The following PTPN13 variants were observed in gnomAD, a reference collection of about 807,000 sequenced individuals.
PTPN13 encodes protein tyrosine phosphatase non-receptor type 13.
In PTPN13, 191 loss-of-function variants were observed where a neutral mutation model predicts 284.0. The observed-to-expected ratio is 0.67, with a 90% CI of 0.60 to 0.76. The LOEUF (loss-of-function observed/expected upper bound fraction) is 0.76. Ranked by LOEUF, PTPN13 falls within the 30% of genes least tolerant of loss-of-function variation. PTPN13 has a pLI of 0.00. For synonymous variants in PTPN13, 986 were observed against 1,022.3 expected, an observed-to-expected ratio of 0.96 and a Z score of 0.68; for missense variants, 2,797 against 2,939.9, an observed-to-expected ratio of 0.95 and a Z score of 1.12.
rs1048691056 is a variant in PTPN13 at position 86,596,475 on chromosome 4, A to T, written c.-6+1686A>T. The stretch of plus-strand genomic sequence containing the variant: ...TTTAATTCTATGATGGGGTCACGTT[A>T]TAAAACTTAGGTCATCTTTTTGTTG... On this transcript the variant is annotated intron_variant, in intron 1 of 47. Transcript: ENST00000411767. Among the ~76,000 whole-genome samples the T allele has an allele frequency of 4.6e-5, 7 of 152,346 alleles. No individual in the cohort carries two copies. The East Asian group carries it at 1.3e-3, about 29-fold the overall frequency.
At chr4:86,625,757 C>T (rs150748793) in intron 1 of PTPN13, among the ~76,000 whole-genome samples, 5 of 152,106 alleles carry the variant, frequency 3.3e-5, no homozygotes, top group African/African-American at 9.7e-5. Context: ...TAGGTCCTTG[C>T]GATATGCCCC....
At chr4:86,706,725 A>G (rs545775148) in intron 7 of PTPN13, among the ~76,000 whole-genome samples, 163 of 152,336 alleles carry the variant, frequency 1.1e-3, no homozygotes, top group Middle Eastern at 0.01. Context: ...GAAAAATTAT[A>G]AATAGAAGAT....
chr4:86,732,584 A>G lies in PTPN13; in HGVS notation c.1684-8A>G. On this transcript the variant is annotated splice_polypyrimidine_tract_variant and splice_region_variant and intron_variant, in intron 11 of 47. Coordinates refer to ENST00000411767, the MANE Select transcript of PTPN13 (RefSeq NM_080683.3). ...TTTAATAAATGCCGTTTATTTTTTC[A>G]ATTGTAGACTAAGAAAGGGAAGAAT... 1 of 1,605,458 alleles carries G rather than the reference A, an allele frequency of 6.2e-7. No individual in the cohort carries two copies. Among genetic ancestry groups the G allele is most frequent in the Non-Finnish European group, 8.5e-7 (1 of 1,175,560 alleles).
At chr4:86,694,579 C>CA (rs1000226646) in intron 6 of PTPN13, among the ~76,000 whole-genome samples, 2,192 of 31,520 alleles carry the variant, frequency 0.07, 163 homozygotes, top group African/African-American at 0.14. Context: ...ACTTCTGTCT[C>CA]AAAAAAAAAA....
In PTPN13 at chr4:86,766,424, AT is replaced by A; in HGVS notation, c.4244-3del. On this transcript the variant is annotated splice_polypyrimidine_tract_variant and splice_region_variant and intron_variant, in intron 26 of 47. Coordinates refer to ENST00000411767, the MANE Select transcript of PTPN13 (RefSeq NM_080683.3). ...TTTTATTTATGATTTGAACTGCCTAATTTTTAGGTGATCGCGTCCTAGCTGT... is the reference window on the plus strand; with the variant it reads ...TTTTATTTATGATTTGAACTGCCTAATTTTAGGTGATCGCGTCCTAGCTGT... The A allele has an allele frequency of 6.3e-7, 1 of 1,599,524 alleles. No individual in the cohort carries two copies. The highest frequency in any genetic ancestry group is 8.5e-7 in the Non-Finnish European group (1 of 1,173,624).
At chr4:86,709,876 AGTTT>A (rs3836605) in intron 7 of PTPN13, among the ~76,000 whole-genome samples, 44,350 of 151,810 alleles carry the variant, frequency 0.29, 6,485 homozygotes, top group Admixed American at 0.31. Flanking sequence ...AGTGACTAAC[AGTTT>A]GTTTACAGAG....
Position 86,734,456 on chromosome 4 carries a change from AGT to A in PTPN13, c.2012+2_2012+3del. The A allele has an allele frequency of 6.5e-7, 1 of 1,545,978 alleles. No homozygotes were observed. Among genetic ancestry groups the A allele is most frequent in the Non-Finnish European group, 8.7e-7 (1 of 1,144,730 alleles). ...TTTATGGATGATGTTAGTCTAATAC[AGT>A]GAGTACACAAGAGTTTCTCTTTTGC... is the stretch of plus-strand genomic sequence containing the variant. On this transcript the variant is annotated splice_donor_variant, in intron 13 of 47. Transcript: ENST00000411767. LOFTEE classifies it high-confidence loss of function.
At chr4:86,789,498 T>TA (rs1742366873) in intron 40 of PTPN13, among the ~76,000 whole-genome samples, 15 of 152,268 alleles carry the variant, frequency 9.9e-5, no homozygotes, top group African/African-American at 2.9e-4. Flanking sequence ...TTGAAGTTCT[T>TA]AGTAAGTTTT....
At chr4:86,786,969 G>T (rs562635332) in intron 40 of PTPN13, among the ~76,000 whole-genome samples, 2 of 151,862 alleles carry the variant, frequency 1.3e-5, no homozygotes, top group Non-Finnish European at 2.9e-5. Flanking sequence ...GCCAGATGTG[G>T]TGGCGCACAC....
intron 35 of PTPN13, among the ~76,000 whole-genome samples, chr4:86,779,738 C>T (rs1477695784): frequency 6.6e-6 from 1 of 152,006 alleles, no homozygotes; most frequent in African/African-American, 2.4e-5. Flanking sequence ...AGGCAACTCC[C>T]CTCTTCTCTC....
Position 86,814,440 on chromosome 4 carries a change from C to CT in PTPN13, c.7363-9dup. On this transcript the variant is annotated splice_polypyrimidine_tract_variant and intron_variant, in intron 47 of 47. Transcript: ENST00000411767. ...TATACATCTAAAGTATTCTATCTCA[C>CT]TTTTTTTGGCCATAGGATCAATATA... The CT allele has an allele frequency of 1.9e-6, 3 of 1,548,110 alleles. No homozygotes were observed. Among genetic ancestry groups the CT allele is most frequent in the South Asian group, 1.1e-5 (1 of 88,856 alleles).
intron 6 of PTPN13, among the ~76,000 whole-genome samples, chr4:86,699,690 G>A (rs1211434149): frequency 1.3e-5 from 2 of 152,168 alleles, no homozygotes; most frequent in East Asian, 3.9e-4. Context: ...AGTCAAGGTA[G>A]CAGGATAAGG....
chr4:86,662,849 T>C (rs1293753493), intron 2 of PTPN13, among the ~76,000 whole-genome samples: 1 of 152,212 alleles, frequency 6.6e-6, no homozygotes, highest in Non-Finnish European at 1.5e-5. Flanking sequence ...GCTCACCTCA[T>C]ACGTTATGGA....
At chr4:86,678,211 T>C (rs1728507648) in intron 3 of PTPN13, among the ~76,000 whole-genome samples, 1 of 152,160 alleles carries the variant, frequency 6.6e-6, no homozygotes, top group African/African-American at 2.4e-5. Context: ...CAACCTGCTG[T>C]TTTGAGCTTT....
Position 86,775,311 on chromosome 4 carries a change from C to T in PTPN13, c.5649C>T (p.Asp1883=). The change falls in exon 34 of 48, where the codon GAC becomes GAT. Residue 1883 remains aspartate (D), a synonymous_variant. Coordinates refer to ENST00000411767, the MANE Select transcript of PTPN13 (RefSeq NM_080683.3). ...CAATGTTGCCTCATTTGCTACCGGACATAACACTAACGTGCAACAAAGAGG... is the reference window on the plus strand; with the variant it reads ...CAATGTTGCCTCATTTGCTACCGGATATAACACTAACGTGCAACAAAGAGG... The part of the protein sequence containing the change: ...RIPMLPHLLP[D]ITLTCNKEEL... 1 of 1,612,736 alleles carries T rather than the reference C, an allele frequency of 6.2e-7. No individual in the cohort carries two copies. Among genetic ancestry groups the T allele is most frequent in the Non-Finnish European group, 8.5e-7 (1 of 1,179,442 alleles).
At chr4:86,632,300 C>T (rs925434405) in intron 1 of PTPN13, among the ~76,000 whole-genome samples, 7 of 152,192 alleles carry the variant, frequency 4.6e-5, no homozygotes, top group African/African-American at 1.7e-4. Context: ...TATCTCCTCA[C>T]CCACTGGCAA....
At chr4:86,651,401 T>C (rs1431107779) in intron 2 of PTPN13, among the ~76,000 whole-genome samples, 3 of 151,938 alleles carry the variant, frequency 2.0e-5, no homozygotes, top group African/African-American at 7.3e-5. Flanking sequence ...TTCCATCCCT[T>C]CCTCCCTCCC....
chr4:86,771,585 A>AACT, intron 31 of PTPN13, 50 bp downstream of exon 31: 1 of 1,464,106 alleles, frequency 6.8e-7, no homozygotes, highest in South Asian at 1.4e-5. Context: ...TGTTGTTAGT[A>AACT]GCAGTAGCAG....
chr4:86,746,890 A>G (rs1321817864), intron 17 of PTPN13, among the ~76,000 whole-genome samples: 1 of 152,174 alleles, frequency 6.6e-6, no homozygotes, highest in African/African-American at 2.4e-5. Context: ...TCGGCCTCCC[A>G]ACTCAGTAAT....
Sources: gnomAD v4.1 joint callset for allele counts (sites outside exome capture counted in the v4.1 genomes callset) on GRCh38, gnomAD v4.1.1 for gene constraint, MANE v1.5 for transcripts, NCBI Gene and HGNC (gene_info 2026-07-23, HGNC 2026-07-21) for gene names.